The following NEAT1 variants were observed in gnomAD, a reference collection of about 807,000 sequenced individuals.
The protein encoded by NEAT1 is MENepsilon/beta.
At chr11:65,429,397 C>G (rs142146075) in exon 1 of NEAT1, 1 of 152,268 alleles carries the variant, frequency 6.6e-6, no homozygotes, top group South Asian at 2.1e-4. Flanking sequence ...TCCGACGGAT[C>G]GAGTCTGCTT....
At position 65,439,171 on chromosome 11, in the gene NEAT1, T is replaced by C. The variant is rs571407188; in HGVS notation, n.16374T>C. 8 of 152,322 alleles carry C rather than the reference T, an allele frequency of 5.3e-5. No individual in the cohort carries two copies. The South Asian group carries it at 1.2e-3, about 24-fold the overall frequency. 9.4% of individuals were successfully genotyped at this position (152,322 alleles called of 1,614,324 possible). A position where few individuals can be genotyped will look rare whatever the true frequency, so the allele number is the denominator to read the frequency against. Reference sequence around the variant, plus strand: ...ACCTTTGCTGGTGCTGTTGGCCATATGTGTATGTTCCCTGGAGAAGTGTCT... The same window carrying C: ...ACCTTTGCTGGTGCTGTTGGCCATACGTGTATGTTCCCTGGAGAAGTGTCT... On this transcript the variant is annotated non_coding_transcript_exon_variant, in exon 1 of 1. Coordinates refer to ENST00000501122, the Ensembl canonical transcript of NEAT1.
exon 1 of NEAT1, chr11:65,440,495 CA>C (rs940766070): frequency 3.3e-5 from 5 of 149,806 alleles, no homozygotes; most frequent in African/African-American, 1.2e-4. Flanking sequence ...AAAAACAAAA[CA>C]GAAAAAATAA....
chr11:65,441,123 C>T (rs998836267), exon 1 of NEAT1: 11 of 151,956 alleles, frequency 7.2e-5, no homozygotes, highest in African/African-American at 1.5e-4. Context: ...CAAACCTATC[C>T]GTTGGTTTGT....
At chr11:65,427,728 T>C (rs1258202916) in exon 1 of NEAT1, 5 of 152,196 alleles carry the variant, frequency 3.3e-5, no homozygotes, top group Admixed American at 3.3e-4. Context: ...TGCTTTGCTT[T>C]TTACCCCAGC....
At chr11:65,438,378 T>C (rs1269099202) in exon 1 of NEAT1, 1 of 152,224 alleles carries the variant, frequency 6.6e-6, no homozygotes, top group African/African-American at 2.4e-5. Flanking sequence ...TATTTTTCCT[T>C]CTAAATATTG....
At chr11:65,438,242 T>C (rs1321776298) in exon 1 of NEAT1, 1 of 152,222 alleles carries the variant, frequency 6.6e-6, no homozygotes, top group African/African-American at 2.4e-5. Flanking sequence ...ATTGTCCTAC[T>C]GGTGGTCTGT....
At chr11:65,443,553 T>G (rs1284671732) in exon 1 of NEAT1, 1 of 152,228 alleles carries the variant, frequency 6.6e-6, no homozygotes, top group Admixed American at 6.5e-5. Flanking sequence ...CTGTTGTGGT[T>G]GGGGTCCTCT....
At chr11:65,426,450 C>T (rs1055519) in exon 1 of NEAT1, 4 of 152,176 alleles carry the variant, frequency 2.6e-5, no homozygotes, top group Non-Finnish European at 5.9e-5. Flanking sequence ...AGAACTAATT[C>T]TGTTACGTCA....
exon 1 of NEAT1, chr11:65,435,833 C>A (rs2134900985): frequency 6.6e-6 from 1 of 152,342 alleles, no homozygotes; most frequent in Admixed American, 6.5e-5. Context: ...GTGGGTCCTG[C>A]AGGCCCCAGA....
exon 1 of NEAT1, chr11:65,441,754 T>C (rs1856716454): frequency 6.6e-6 from 1 of 152,242 alleles, no homozygotes; most frequent in Admixed American, 6.5e-5. Context: ...ATTTCTACTT[T>C]TGTTTCATTA....
At chr11:65,423,686 C>A (rs1483449347) in exon 1 of NEAT1, 1 of 152,286 alleles carries the variant, frequency 6.6e-6, no homozygotes, top group Non-Finnish European at 1.5e-5. Flanking sequence ...CTTGTGAGCT[C>A]ACTCCACCCC....
chr11:65,444,886 C>T (rs998730639), exon 1 of NEAT1: 6 of 228,056 alleles, frequency 2.6e-5, no homozygotes, highest in Non-Finnish European at 4.5e-5. Context: ...GGCAGGCGGG[C>T]GTCTGCGTGA....
exon 1 of NEAT1, chr11:65,424,871 G>A (rs1378495210): frequency 1.3e-5 from 2 of 152,202 alleles, no homozygotes; most frequent in African/African-American, 4.8e-5. Flanking sequence ...TGAGGTGGGA[G>A]TTGTGGGGGA....
chr11:65,432,820 G>C (rs1395040361), exon 1 of NEAT1: 1 of 151,136 alleles, frequency 6.6e-6, no homozygotes, highest in East Asian at 1.9e-4. Flanking sequence ...CCAATATGTG[G>C]TTTTTTATAC....
At chr11:65,433,463 C>T (rs1856630870) in exon 1 of NEAT1, 1 of 152,102 alleles carries the variant, frequency 6.6e-6, no homozygotes, top group African/African-American at 2.4e-5. Context: ...CACAACATGG[C>T]TCTCTTTTAC....
exon 1 of NEAT1, chr11:65,431,012 C>G (rs1005661458): frequency 6.6e-6 from 1 of 152,292 alleles, no homozygotes; most frequent in South Asian, 2.1e-4. Flanking sequence ...TCTTGCAAAA[C>G]AAACTCTGTA....
exon 1 of NEAT1, chr11:65,442,263 G>A (rs139453194): frequency 4.7e-4 from 72 of 152,326 alleles, no homozygotes; most frequent in African/African-American, 1.7e-3. Context: ...CAGGCCTCAG[G>A]TGGCAATGCA....
At chr11:65,423,352 C>T (rs555486675) in exon 1 of NEAT1, 2 of 152,278 alleles carry the variant, frequency 1.3e-5, no homozygotes, top group East Asian at 1.9e-4. Context: ...CTGAACTTAG[C>T]TCGACGGGGC....
At chr11:65,435,319 GA>G (rs1856649091) in exon 1 of NEAT1, 1 of 152,108 alleles carries the variant, frequency 6.6e-6, no homozygotes, top group Admixed American at 6.5e-5. Flanking sequence ...AACTACTAAT[GA>G]CAACTTCATT....
Sources: allele counts gnomAD v4.1 joint callset, GRCh38; gene constraint gnomAD v4.1.1; transcripts MANE v1.5; gene names NCBI Gene and HGNC (gene_info 2026-07-23, HGNC 2026-07-21).